The following NCKAP5 variants were observed in gnomAD, a reference collection of about 807,000 sequenced individuals.
NCKAP5 encodes nck-associated protein 5.
NCKAP5 carries 92 observed loss-of-function variants against 167.0 expected under a neutral mutation model. The ratio of observed to expected loss-of-function variants is 0.55; its 90% confidence interval spans 0.47 to 0.66. NCKAP5 has a LOEUF of 0.66. Among genes scored for constraint, NCKAP5 ranks in the 30% least tolerant of loss-of-function variants. The pLI, the probability that NCKAP5 is intolerant of heterozygous loss-of-function variation, is 0.00. For synonymous variants in NCKAP5, 891 were observed against 877.4 expected, an observed-to-expected ratio of 1.02 and a Z score of -0.27; for missense variants, 2,378 against 2,315.0, an observed-to-expected ratio of 1.03 and a Z score of -0.56.
At chr2:132,839,584 AAACC>A (rs1256744904) in intron 11 of NCKAP5, among the ~76,000 whole-genome samples, 1 of 151,880 alleles carries the variant, frequency 6.6e-6, no homozygotes, top group African/African-American at 2.4e-5. Flanking sequence ...AACATGGTGA[AAACC>A]CATCTCTACA....
At chr2:132,857,892 C>T (rs941527378) in intron 11 of NCKAP5, among the ~76,000 whole-genome samples, 2 of 152,192 alleles carry the variant, frequency 1.3e-5, no homozygotes, top group African/African-American at 2.4e-5. Flanking sequence ...GTCTCTCCCA[C>T]ATAAGAATTT....
At position 132,711,690 on chromosome 2, in the gene NCKAP5, T is replaced by A. The variant is rs548222709; in HGVS notation, c.5713+13937A>T. Among the ~76,000 whole-genome samples the A allele has an allele frequency of 2.0e-5, 3 of 152,230 alleles. No homozygotes were observed. In the East Asian group the frequency reaches 5.8e-4, roughly 29 times the overall value. On this transcript the variant is annotated intron_variant, in intron 19 of 19. Transcript: ENST00000409261. ...ATAAATATCCTATTTTCCCCAGCTG[T>A]GTAATACTGTGCAACCCAGACAGAC... is the stretch of plus-strand genomic sequence containing the variant.
chr2:133,055,913 C>T (rs1201598891), intron 6 of NCKAP5, among the ~76,000 whole-genome samples: 3 of 152,140 alleles, frequency 2.0e-5, no homozygotes, highest in African/African-American at 7.2e-5. Context: ...TTTATTTTAT[C>T]ATGAGCTTTA....
At chr2:132,920,773 A>ATGTATGTGTGTG (rs1175958033) in intron 8 of NCKAP5, among the ~76,000 whole-genome samples, 1 of 3,842 alleles carries the variant, frequency 2.6e-4, no homozygotes, top group African/African-American at 4.6e-4. Flanking sequence ...ATATGTATGT[A>ATGTATGTGTGTG]TATATATATA....
At chr2:133,115,517 T>A (rs962325326) in intron 6 of NCKAP5, among the ~76,000 whole-genome samples, 6 of 151,814 alleles carry the variant, frequency 4.0e-5, no homozygotes, top group African/African-American at 1.4e-4. Flanking sequence ...TAAAATTAGA[T>A]GTTATGTTAC....
chr2:133,338,537 G>A (rs1174309919), intron 3 of NCKAP5, among the ~76,000 whole-genome samples: 3 of 152,260 alleles, frequency 2.0e-5, no homozygotes, highest in East Asian at 3.9e-4. Flanking sequence ...ATAATACAAT[G>A]AGTATCAGGT....
chr2:133,600,756 T>A, the NCKAP5 span, among the ~76,000 whole-genome samples: 2 of 152,198 alleles, frequency 1.3e-5, no homozygotes, highest in African/African-American at 4.8e-5. Flanking sequence ...CAGGCCCTGA[T>A]GTGCGAAGCT....
intron 3 of NCKAP5, among the ~76,000 whole-genome samples, chr2:133,406,305 G>C (rs1688423261): frequency 6.6e-6 from 1 of 152,060 alleles, no homozygotes; most frequent in Admixed American, 6.5e-5. Flanking sequence ...GATGAGTTTT[G>C]GGGAGTGCTT....
intron 4 of NCKAP5, among the ~76,000 whole-genome samples, chr2:133,236,695 TGTTA>T (rs1258294637): frequency 2.0e-5 from 3 of 152,234 alleles, no homozygotes; most frequent in Non-Finnish European, 2.9e-5. Flanking sequence ...AGGTTAACAT[TGTTA>T]GACAATATGC....
chr2:133,569,621 C>G (rs938101572), upstream of NCKAP5, among the ~76,000 whole-genome samples: 6 of 152,148 alleles, frequency 3.9e-5, no homozygotes, highest in African/African-American at 1.2e-4. Flanking sequence ...ACAAGGTTAG[C>G]TGATTCTGTG....
chr2:133,223,740 G>GT (rs2086762657), intron 4 of NCKAP5, among the ~76,000 whole-genome samples: 1 of 152,154 alleles, frequency 6.6e-6, no homozygotes, highest in Non-Finnish European at 1.5e-5. Context: ...ATAAAAGTCG[G>GT]TAAGTTTAGA....
the NCKAP5 span, among the ~76,000 whole-genome samples, chr2:133,628,399 A>G: frequency 6.6e-6 from 1 of 152,198 alleles, no homozygotes; most frequent in Non-Finnish European, 1.5e-5. Context: ...CACAATTGCT[A>G]CAAAGAGAAT....
chr2:132,715,465 A>C lies in NCKAP5; in HGVS notation c.5713+10162T>G, dbSNP rs549425205. Among the ~76,000 whole-genome samples the C allele has an allele frequency of 2.6e-5, 4 of 151,926 alleles. No homozygotes were observed. In the East Asian group the frequency reaches 5.8e-4, roughly 22 times the overall value. The stretch of plus-strand genomic sequence containing the variant: ...GGAAACCCAAACACCTGTTGACTAC[A>C]TTTTTTTTCTCCATTTTTTTCATCT... On this transcript the variant is annotated intron_variant, in intron 19 of 19. Transcript: ENST00000409261.
chr2:133,092,715 G>GAAA (rs376794833), intron 6 of NCKAP5, among the ~76,000 whole-genome samples: 2 of 152,128 alleles, frequency 1.3e-5, no homozygotes, highest in Non-Finnish European at 2.9e-5. Context: ...AGTGGCCCTA[G>GAAA]AAAAGTAATA....
intron 5 of NCKAP5, among the ~76,000 whole-genome samples, chr2:133,137,832 G>A (rs553206246): frequency 5.9e-5 from 9 of 152,130 alleles, no homozygotes; most frequent in African/African-American, 1.4e-4. Context: ...TTTTACTTCC[G>A]CGCAGAGGGG....
intron 5 of NCKAP5, among the ~76,000 whole-genome samples, chr2:133,200,005 A>G (rs995777685): frequency 6.7e-6 from 1 of 150,286 alleles, no homozygotes; most frequent in African/African-American, 2.4e-5. Context: ...AACAGAACTA[A>G]TTTGATCCAT....
At chr2:133,025,506 G>C (rs1053679138) in intron 6 of NCKAP5, among the ~76,000 whole-genome samples, 3 of 152,206 alleles carry the variant, frequency 2.0e-5, no homozygotes, top group African/African-American at 7.2e-5. Context: ...GCATCTGTGA[G>C]AGGTGTGAAA....
chr2:132,963,120 C>G (rs1333927851), intron 8 of NCKAP5, among the ~76,000 whole-genome samples: 2 of 151,864 alleles, frequency 1.3e-5, no homozygotes, highest in Non-Finnish European at 2.9e-5. Flanking sequence ...CATGAATTAA[C>G]ACTTGAAATA....
chr2:133,619,758 T>C, the NCKAP5 span, among the ~76,000 whole-genome samples: 1 of 152,252 alleles, frequency 6.6e-6, no homozygotes, highest in African/African-American at 2.4e-5. Flanking sequence ...AAAGAACACC[T>C]GGTAAATTCA....
Sources: allele counts gnomAD v4.1 joint callset (sites outside exome capture counted in the v4.1 genomes callset), GRCh38; gene constraint gnomAD v4.1.1; transcripts MANE v1.5; gene names NCBI Gene and HGNC (gene_info 2026-07-23, HGNC 2026-07-21).